TMEM168: variants seen among roughly 807,000 people sequenced by gnomAD.
TMEM168 encodes the protein transmembrane protein 168.
Under a neutral mutation model 53.2 loss-of-function variants are expected in TMEM168, and 40 were observed. That is an observed-to-expected ratio of 0.75 (90% CI 0.58 to 0.98). TMEM168 has a LOEUF of 0.98. Among genes scored for constraint, TMEM168 ranks in the 50% least tolerant of loss-of-function variants. The pLI, the probability that TMEM168 is intolerant of heterozygous loss-of-function variation, is 0.00. For missense variants in TMEM168, 771 were observed against 828.8 expected (o/e 0.93, Z 0.86); for synonymous variants, 282 against 293.0 (o/e 0.96, Z 0.38).
In TMEM168 at chr7:112,772,985, G is replaced by A. The variant is rs751171840; in HGVS notation, c.1342C>T (p.Leu448Phe). 6.8e-6 allele frequency: 11 copies of A among 1,613,920 alleles called. No individual in the cohort carries two copies. The highest frequency in any genetic ancestry group is 9.3e-6 in the Non-Finnish European group (11 of 1,179,936). Residue 448 changes from leucine (L) to phenylalanine (F), a missense_variant, in exon 4 of 5, where the codon CTC (leucine) becomes TTC (phenylalanine). Physicochemically the swap from Leu to Phe is conservative, Grantham distance 22. Transcript: ENST00000312814. ...QELNLRSTGM[L>F]NAIQRFFAYH... ...GCAAAAAATCTTTGGATAGCATTGA[G>A]CATGCCAGTAGACCTCAAATTTAAC...
At chr7:112,776,997 T>C (rs1793102961) in intron 2 of TMEM168, among the ~76,000 whole-genome samples, 1 of 152,080 alleles carries the variant, frequency 6.6e-6, no homozygotes, top group Non-Finnish European at 1.5e-5. Context: ...GGTATCATCT[T>C]TGATGAAGTG....
intron 1 of TMEM168, chr7:112,788,516 C>T (rs1250102265): frequency 1.3e-5 from 2 of 152,178 alleles, no homozygotes; most frequent in Non-Finnish European, 2.9e-5. Flanking sequence ...CAAAACTCTT[C>T]CCCATTCTGA....
intron 2 of TMEM168, among the ~76,000 whole-genome samples, chr7:112,776,075 CT>C (rs1299805209): frequency 6.0e-5 from 9 of 151,042 alleles, no homozygotes; most frequent in Non-Finnish European, 8.9e-5. Context: ...TAAACTATTA[CT>C]TTTTTCTATA....
chr7:112,780,543 T>A (rs1009664104), intron 2 of TMEM168, among the ~76,000 whole-genome samples: 1 of 152,058 alleles, frequency 6.6e-6, no homozygotes, highest in Non-Finnish European at 1.5e-5. Flanking sequence ...CACAGATGAA[T>A]CTCAAATGAT....
rs1792707673 is a variant in TMEM168, at chr7:112,763,710, A to G, written c.*3487T>C. ...GACTAAGCTATAAATTTGAATACAT[A>G]TAAAAAAGCAGTACCCAAGAGTAAA... On this transcript the variant is annotated 3_prime_UTR_variant, in exon 5 of 5. Coordinates refer to ENST00000312814, the MANE Select transcript of TMEM168 (RefSeq NM_022484.6). The G allele has an allele frequency of 6.6e-6, 1 of 152,164 alleles. No individual in the cohort carries two copies. Among genetic ancestry groups the G allele is most frequent in the Admixed American group, 6.5e-5 (1 of 15,272 alleles). 9.4% of individuals were successfully genotyped at this position (152,164 alleles called of 1,614,324 possible).
chr7:112,773,552 T>C (rs1437217654), intron 3 of TMEM168, among the ~76,000 whole-genome samples: 1 of 151,988 alleles, frequency 6.6e-6, no homozygotes, highest in Non-Finnish European at 1.5e-5. Flanking sequence ...ACATAAATAA[T>C]AGAAGAAATT....
At chr7:112,774,603 G>A (rs183416914) in intron 3 of TMEM168, among the ~76,000 whole-genome samples, 5 of 147,798 alleles carry the variant, frequency 3.4e-5, no homozygotes, top group African/African-American at 1.0e-4. Flanking sequence ...TTTTTGAGAC[G>A]AAGTCTTGCT....
rs565906592 is a variant in TMEM168 at position 112,766,447 on chromosome 7, A to G, written c.*750T>C. On this transcript the variant is annotated 3_prime_UTR_variant, in exon 5 of 5. Coordinates refer to ENST00000312814, the MANE Select transcript of TMEM168 (RefSeq NM_022484.6). ...ATTTATTGGAAGAATTTGTAGCTGG[A>G]AACACTGTTCATTAAGAAAACATTA... The G allele has an allele frequency of 1.3e-5, 2 of 152,740 alleles. No homozygotes were observed. Among genetic ancestry groups the G allele is most frequent in the East Asian group, 1.9e-4 (1 of 5,178 alleles). 9.5% of individuals were successfully genotyped at this position (152,740 alleles called of 1,614,324 possible).
Position 112,784,617 on chromosome 7 carries a change from A to C in TMEM168, c.209T>G (p.Leu70Arg). ...GGCGATTCCAAGAACAAAAAGACCA[A>C]GAATAAAAATTACCAAAATTAAGGA... ...ANSLILVIFILGLFVLGIASI... is the reference protein window; with the variant it reads ...ANSLILVIFIRGLFVLGIASI... Residue 70 changes from leucine (L) to arginine (R), a missense_variant, in exon 2 of 5, where the codon CTT becomes CGT. Coordinates refer to ENST00000312814, the MANE Select transcript of TMEM168 (RefSeq NM_022484.6). 7 of 1,612,066 alleles carry C rather than the reference A, an allele frequency of 4.3e-6. No individual in the cohort carries two copies. The highest frequency in any genetic ancestry group is 5.9e-6 in the Non-Finnish European group (7 of 1,179,430).
chr7:112,773,118 ACTGATTAT>A, intron 3 of TMEM168, 63 bp from the exon 4 acceptor site: 1 of 1,483,732 alleles, frequency 6.7e-7, no homozygotes, highest in Non-Finnish European at 9.0e-7. Flanking sequence ...GTCATTTGTA[ACTGATTAT>A]CTAAGAATCA....
intron 4 of TMEM168, among the ~76,000 whole-genome samples, chr7:112,768,114 G>T (rs1792836122): frequency 6.6e-6 from 1 of 152,126 alleles, no homozygotes; most frequent in Admixed American, 6.6e-5. Context: ...GCCAGATCCA[G>T]CCTGCCACCT....
Position 112,767,668 on chromosome 7 carries a change from A to T in TMEM168, c.1623T>A (p.Ile541=). The change falls in exon 5 of 5, where the codon ATT becomes ATA. Residue 541 remains isoleucine, a synonymous_variant. Coordinates refer to ENST00000312814, the MANE Select transcript of TMEM168 (RefSeq NM_022484.6). ...EKNGSFCSRL[I]IVLDSENSTP... ...TTGAATTTTCGCTGTCTAATACGAT[A>T]ATAAGCCGGGAACAAAAGGAACCAT... The T allele has an allele frequency of 1.2e-6, 2 of 1,614,060 alleles. No individual in the cohort carries two copies. The highest frequency in any genetic ancestry group is 1.7e-6 in the Non-Finnish European group (2 of 1,179,996).
chr7:112,777,431 C>A (rs1214885082), intron 2 of TMEM168, among the ~76,000 whole-genome samples: 4 of 152,138 alleles, frequency 2.6e-5, no homozygotes, highest in Non-Finnish European at 4.4e-5. Context: ...CTCTCTTCTT[C>A]TGTTCTGTTG....
chr7:112,767,813 C>T, intron 4 of TMEM168, 69 bp from the exon 5 acceptor site: 2 of 1,383,784 alleles, frequency 1.4e-6, no homozygotes. Flanking sequence ...CCCTCTTAAT[C>T]ATTTTCTTCT....
chr7:112,777,164 T>C (rs1793107317), intron 2 of TMEM168, among the ~76,000 whole-genome samples: 1 of 152,182 alleles, frequency 6.6e-6, no homozygotes, highest in African/African-American at 2.4e-5. Context: ...AATTATAATA[T>C]AGTCACTTTA....
rs766323228 is a variant in TMEM168 at position 112,784,417 on chromosome 7, A to G, written c.409T>C (p.Cys137Arg). The G allele has an allele frequency of 6.2e-7, 1 of 1,614,138 alleles. No individual in the cohort carries two copies. The highest frequency in any genetic ancestry group is 1.7e-5 in the Admixed American group (1 of 60,018). Residue 137 changes from cysteine (C) to arginine (R), a missense_variant, in exon 2 of 5, where the codon TGC (cysteine) becomes CGC (arginine). By Grantham distance (180) the Cys-to-Arg change is radical. Transcript: ENST00000312814. ...CCAGAAATTCTCTCCACCAGAGAGCACAATATCCTTAACACTATGGATGTT... is the reference window on the plus strand; with the variant it reads ...CCAGAAATTCTCTCCACCAGAGAGCGCAATATCCTTAACACTATGGATGTT... The part of the protein sequence containing the change: ...LLTSIVLRIL[C>R]SLVERISGYV...
chr7:112,772,781 C>T lies in TMEM168; in HGVS notation c.1546G>A (p.Gly516Ser). 6.2e-7 allele frequency: 1 copy of T among 1,608,418 alleles called. No individual in the cohort carries two copies. Among genetic ancestry groups the T allele is most frequent in the Non-Finnish European group, 8.5e-7 (1 of 1,175,510 alleles). The change falls in exon 4 of 5, where the codon GGT (glycine) becomes AGT (serine). Residue 516 changes from glycine to serine, a missense_variant and splice_region_variant. Transcript: ENST00000312814. Reference protein sequence around the residue: ...THGTGEWALAGGDTLRLDTLI... With the variant: ...THGTGEWALASGDTLRLDTLI... ...GTGAAACTGCCAAAGGTGAGTTTACCTGCTAGAGCCCACTCTCCTGTACCA... is the reference window on the plus strand; with the variant it reads ...GTGAAACTGCCAAAGGTGAGTTTACTTGCTAGAGCCCACTCTCCTGTACCA...
chr7:112,783,673 G>C (rs1297283969), intron 2 of TMEM168, 25 bp downstream of exon 2: 1 of 1,437,456 alleles, frequency 7.0e-7, no homozygotes, highest in South Asian at 1.8e-5. Flanking sequence ...CGTCATTGGG[G>C]TTGCTGGACA....
Position 112,767,388 on chromosome 7 carries a change from C to G in TMEM168, c.1903G>C (p.Val635Leu). The change falls in exon 5 of 5, where the codon GTG (valine) becomes CTG (leucine). Residue 635 changes from valine to leucine, a missense_variant. Coordinates refer to ENST00000312814, the MANE Select transcript of TMEM168 (RefSeq NM_022484.6). ...AAGTGTAACATCCAGTGCTTGGCCACATCGCTTCCCGTTGGCAAATGCAGA... is the reference window on the plus strand; with the variant it reads ...AAGTGTAACATCCAGTGCTTGGCCAGATCGCTTCCCGTTGGCAAATGCAGA... ...YTLHLPTGSD[V>L]AKHWMLHFPR... 1 of 1,614,162 alleles carries G rather than the reference C, an allele frequency of 6.2e-7. No homozygotes were observed. The highest frequency in any genetic ancestry group is 8.5e-7 in the Non-Finnish European group (1 of 1,179,994).
Sources: gnomAD v4.1 joint callset for allele counts (sites outside exome capture counted in the v4.1 genomes callset) on GRCh38, gnomAD v4.1.1 for gene constraint, MANE v1.5 for transcripts, NCBI Gene and HGNC (gene_info 2026-07-23, HGNC 2026-07-21) for gene names.